SLC2A13: variants seen among roughly 807,000 people sequenced by gnomAD.
SLC2A13 encodes the protein solute carrier family 2 member 13.
A neutral mutation model predicts 64.4 loss-of-function variants in SLC2A13; 32 were observed. The ratio of observed to expected loss-of-function variants is 0.50; its 90% confidence interval spans 0.37 to 0.67. The LOEUF is 0.67. SLC2A13 is among the 30% of genes least tolerant of loss of function. The pLI is 0.00. For synonymous variants in SLC2A13, 338 were observed against 327.1 expected (o/e 1.03, Z -0.36); for missense variants, 743 against 829.2 (o/e 0.90, Z 1.28).
intron 4 of SLC2A13, among the ~76,000 whole-genome samples, chr12:39,925,142 C>A (rs1008583711): frequency 2.7e-5 from 4 of 150,804 alleles, no homozygotes; most frequent in African/African-American, 9.7e-5. Flanking sequence ...AATCTATGCT[C>A]CCACCTCAGC....
chr12:39,874,632 A>G (rs74869146), intron 4 of SLC2A13, among the ~76,000 whole-genome samples: 1 of 151,896 alleles, frequency 6.6e-6, no homozygotes, highest in African/African-American at 2.4e-5. Flanking sequence ...AAAAAAAAAA[A>G]AAGAATGCAT....
At chr12:39,770,429 T>C (rs901730732) in intron 7 of SLC2A13, among the ~76,000 whole-genome samples, 6 of 152,168 alleles carry the variant, frequency 3.9e-5, no homozygotes, top group Admixed American at 2.0e-4. Flanking sequence ...TTAATAGCCA[T>C]ATTCATTCAA....
intron 9 of SLC2A13, 57 bp from the exon 10 acceptor site, chr12:39,760,309 G>A: frequency 6.7e-7 from 1 of 1,486,092 alleles, no homozygotes; most frequent in South Asian, 1.3e-5. Context: ...GGCTTAAGTT[G>A]GAAAGATTAC....
intron 2 of SLC2A13, among the ~76,000 whole-genome samples, chr12:40,031,802 T>G (rs28370830): frequency 1.3e-5 from 2 of 152,146 alleles, no homozygotes; most frequent in African/African-American, 2.4e-5. Context: ...AGAGGCTGTT[T>G]TGCTGTGGTA....
intron 3 of SLC2A13, among the ~76,000 whole-genome samples, chr12:39,977,385 A>G (rs1385135081): frequency 6.6e-6 from 1 of 152,244 alleles, no homozygotes; most frequent in African/African-American, 2.4e-5. Flanking sequence ...CAACTGAGTC[A>G]AACAGAACTT....
At chr12:40,010,162 T>C (rs1947503686) in intron 3 of SLC2A13, among the ~76,000 whole-genome samples, 1 of 152,230 alleles carries the variant, frequency 6.6e-6, no homozygotes, top group African/African-American at 2.4e-5. Flanking sequence ...TGATGGTGTT[T>C]GTGGAGTCAG....
chr12:39,919,758 T>C (rs1386745870), intron 4 of SLC2A13, among the ~76,000 whole-genome samples: 1 of 152,138 alleles, frequency 6.6e-6, no homozygotes, highest in African/African-American at 2.4e-5. Context: ...AATAGTTGTA[T>C]ATTAAAGAAG....
intron 2 of SLC2A13, among the ~76,000 whole-genome samples, chr12:40,039,580 G>A (rs1356654543): frequency 3.3e-5 from 5 of 152,042 alleles, no homozygotes; most frequent in Admixed American, 1.3e-4. Context: ...TCTAGTCATT[G>A]TTCTACAGAT....
At chr12:39,822,678 T>C (rs1001967250) in intron 7 of SLC2A13, among the ~76,000 whole-genome samples, 1 of 152,230 alleles carries the variant, frequency 6.6e-6, no homozygotes, top group Non-Finnish European at 1.5e-5. Context: ...ATAAAAATCT[T>C]AGTCTTCTTT....
At chr12:39,868,898 T>A (rs1943973378) in intron 5 of SLC2A13, among the ~76,000 whole-genome samples, 1 of 152,204 alleles carries the variant, frequency 6.6e-6, no homozygotes, top group Non-Finnish European at 1.5e-5. Context: ...CAGGCTTACA[T>A]ATTTTTTATT....
At chr12:40,022,665 C>T (rs955008944) in intron 3 of SLC2A13, among the ~76,000 whole-genome samples, 1 of 152,084 alleles carries the variant, frequency 6.6e-6, no homozygotes, top group African/African-American at 2.4e-5. Flanking sequence ...GGTGAAACCC[C>T]GTCTCTACTA....
chr12:40,056,479 C>A (rs1948335523), intron 1 of SLC2A13, among the ~76,000 whole-genome samples: 1 of 152,144 alleles, frequency 6.6e-6, no homozygotes, highest in African/African-American at 2.4e-5. Context: ...TGCATTTCCA[C>A]CTGAAAAGTG....
In SLC2A13 at chr12:40,105,435, G is replaced by C; in HGVS notation, c.374C>G (p.Ser125Cys). Residue 125 changes from serine (S) to cysteine (C), a missense_variant, in exon 1 of 10, where the codon TCC (serine) becomes TGC (cysteine). Physicochemically the swap from Ser to Cys is moderately radical, Grantham distance 112. Coordinates refer to ENST00000280871, the MANE Select transcript of SLC2A13 (RefSeq NM_052885.4). The surrounding 1 kb of genome is among the most constrained non-coding windows in gnomAD (Gnocchi z 4.2). ...GACGGCAGCCGCCCCCACCGTGCTG[G>C]ACACCAGCAGCTCCTGCCACAGCGC... ...LDALWQELLV[S>C]STVGAAAVSA... 6.4e-7 allele frequency: 1 copy of C among 1,554,280 alleles called. No individual in the cohort carries two copies. The highest frequency in any genetic ancestry group is 1.2e-5 in the South Asian group (1 of 84,894).
intron 4 of SLC2A13, among the ~76,000 whole-genome samples, chr12:39,935,666 G>A (rs1444012122): frequency 6.6e-6 from 1 of 152,146 alleles, no homozygotes; most frequent in Non-Finnish European, 1.5e-5. Flanking sequence ...AGTGCTAAAG[G>A]AGGCCAGAAG....
chr12:40,042,367 C>CA (rs1373544648), intron 2 of SLC2A13, among the ~76,000 whole-genome samples: 1 of 151,948 alleles, frequency 6.6e-6, no homozygotes, highest in Non-Finnish European at 1.5e-5. Context: ...CTTGTAAACA[C>CA]AGAGACACTC....
intron 4 of SLC2A13, among the ~76,000 whole-genome samples, chr12:39,929,676 G>A (rs1306510254): frequency 6.6e-6 from 1 of 152,192 alleles, no homozygotes; most frequent in East Asian, 1.9e-4. Context: ...CAGGATACTG[G>A]AGGCTGCAGG....
At chr12:40,047,093 G>A (rs1328999472) in intron 2 of SLC2A13, among the ~76,000 whole-genome samples, 2 of 151,890 alleles carry the variant, frequency 1.3e-5, no homozygotes, top group African/African-American at 4.8e-5. Flanking sequence ...GTAGAGACAG[G>A]GTTTCACCAT....
Position 40,105,289 on chromosome 12 carries a change from G to A in SLC2A13, c.520C>T (p.Leu174=), listed in dbSNP as rs1393817112. 4 of 1,601,034 alleles carry A rather than the reference G, an allele frequency of 2.5e-6. No homozygotes were observed. In the African/African-American group the frequency reaches 5.4e-5, roughly 22 times the overall value. Residue 174 remains leucine (L), a synonymous_variant, in exon 1 of 10, where the codon CTG becomes TTG. Transcript: ENST00000280871. This position sits in a 1 kb window ranked among gnomAD's most constrained non-coding sequence, Gnocchi z 4.2. The stretch of plus-strand genomic sequence containing the variant: ...CCCACGACCAGGCGGCCGGCGAGCA[G>A]TGTCTCCTTGTTGTTGGCCGCAGCC... ...VLAAANNKET[L]LAGRLVVGLG... is the part of the protein sequence containing the mutation.
intron 9 of SLC2A13, among the ~76,000 whole-genome samples, chr12:39,760,607 AT>A (rs1940099754): frequency 1.3e-5 from 2 of 152,084 alleles, no homozygotes; most frequent in South Asian, 4.1e-4. Flanking sequence ...AAATATTATA[AT>A]TATGTACACA....
Sources: gnomAD v4.1 joint callset for allele counts (sites outside exome capture counted in the v4.1 genomes callset) on GRCh38, gnomAD v4.1.1 for gene constraint, Gnocchi (gnomAD v3.1) non-coding constraint, MANE v1.5 for transcripts, NCBI Gene and HGNC (gene_info 2026-07-23, HGNC 2026-07-21) for gene names.